Variants in ARHGAP39 observed in about 807,000 individuals in gnomAD.
ARHGAP39 encodes rho GTPase-activating protein 39.
In ARHGAP39, 44 loss-of-function variants were observed where a neutral mutation model predicts 106.9. The observed-to-expected ratio is 0.41, with a 90% CI of 0.32 to 0.53. The LOEUF (loss-of-function observed/expected upper bound fraction) is 0.53, where lower values mean the gene tolerates loss of function less well. ARHGAP39 is among the 20% of genes least tolerant of loss of function. ARHGAP39 has a pLI of 0.21. For missense variants in ARHGAP39, 1,496 were observed against 1,577.3 expected, an observed-to-expected ratio of 0.95 and a Z score of 0.87; for synonymous variants, 768 against 693.2, an observed-to-expected ratio of 1.11 and a Z score of -1.69.
chr8:144,596,628 G>A (rs1367522999), intron 2 of ARHGAP39, among the ~76,000 whole-genome samples: 12 of 152,200 alleles, frequency 7.9e-5, no homozygotes, highest in Admixed American at 7.2e-4. Context: ...GTGAGCACGT[G>A]GGGGAGGAGT....
chr8:144,545,525 G>A lies in ARHGAP39; in HGVS notation c.2245C>T (p.Leu749=). 3 of 1,613,496 alleles carry A rather than the reference G, an allele frequency of 1.9e-6. No individual in the cohort carries two copies. The highest frequency in any genetic ancestry group is 1.3e-5 in the African/African-American group (1 of 75,068). The change falls in exon 6 of 12, where the codon CTG becomes TTG. Residue 749 remains leucine (L), a synonymous_variant. Transcript: ENST00000377307. The part of the protein sequence containing the change: ...VKKEACELFK[L]IQMYMGDRRA... Reference sequence around the variant, plus strand: ...CGGTCACCCATGTACATCTGGATCAGCTTGAAGAGCTCGCAGGCCTCCTTC... The same window carrying A: ...CGGTCACCCATGTACATCTGGATCAACTTGAAGAGCTCGCAGGCCTCCTTC...
intron 2 of ARHGAP39, among the ~76,000 whole-genome samples, chr8:144,590,123 G>A (rs933062741): frequency 1.3e-5 from 2 of 152,226 alleles, no homozygotes; most frequent in Non-Finnish European, 2.9e-5. Context: ...TGGGACAGAG[G>A]CCAGAGAAGC....
At position 144,580,973 on chromosome 8, in the gene ARHGAP39, T is replaced by C. The variant is rs1818962700; in HGVS notation, c.385A>G (p.Ser129Gly). ...CTGGTGCTGCCCTCACGGCTGACGC[T>C]GCTGCCGCGCCCGGGGCTGCTCTCC... is the stretch of plus-strand genomic sequence containing the variant. ...SAESSPGRGS[S>G]VSREGSTSSS... is the part of the protein sequence containing the mutation. The change falls in exon 3 of 12, where the codon AGC (serine) becomes GGC (glycine). Residue 129 changes from serine (S) to glycine (G), a missense_variant. Physicochemically the swap from Ser to Gly is moderately conservative, Grantham distance 56. This residue lies in a region of ARHGAP39 where 905 missense variants were observed against 816.4 expected (regional missense o/e 1.11). Coordinates refer to ENST00000377307, the MANE Select transcript of ARHGAP39 (RefSeq NM_025251.3). 1.2e-6 allele frequency: 2 copies of C among 1,600,666 alleles called. No individual in the cohort carries two copies. The highest frequency in any genetic ancestry group is 1.1e-5 in the South Asian group (1 of 89,450).
Position 144,530,770 on chromosome 8 carries a change from C to G in ARHGAP39, c.3082G>C (p.Val1028Leu). The G allele has an allele frequency of 1.2e-6, 2 of 1,611,198 alleles. No individual in the cohort carries two copies. Among genetic ancestry groups the G allele is most frequent in the Non-Finnish European group, 1.7e-6 (2 of 1,179,314 alleles). ...IAHYDSPEAAVAVVHALPRIN... is the reference protein window; with the variant it reads ...IAHYDSPEAALAVVHALPRIN... The stretch of plus-strand genomic sequence containing the variant: ...CGGGGCAGCGCGTGCACCACGGCCA[C>G]CGCCGCCTCGGGGCTGTCGTAGTGC... The change falls in exon 11 of 12, where the codon GTG (valine) becomes CTG (leucine). Residue 1028 changes from valine (V) to leucine (L), a missense_variant. Physicochemically the swap from Val to Leu is conservative, Grantham distance 32. Coordinates refer to ENST00000377307, the MANE Select transcript of ARHGAP39 (RefSeq NM_025251.3).
intron 1 of ARHGAP39, among the ~76,000 whole-genome samples, chr8:144,654,721 A>G (rs1761923191): frequency 6.6e-6 from 1 of 151,886 alleles, no homozygotes; most frequent in African/African-American, 2.4e-5. Context: ...GCTGCTGCAG[A>G]CCCAGGGCCC....
intron 1 of ARHGAP39, among the ~76,000 whole-genome samples, chr8:144,640,327 G>C (rs921615226): frequency 6.6e-6 from 1 of 152,132 alleles, no homozygotes; most frequent in Non-Finnish European, 1.5e-5. Context: ...TTGGGGGAGC[G>C]ACCTGGTGGG....
At chr8:144,587,274 A>G (rs1476767234) in intron 2 of ARHGAP39, among the ~76,000 whole-genome samples, 2 of 152,234 alleles carry the variant, frequency 1.3e-5, no homozygotes, top group African/African-American at 2.4e-5. Flanking sequence ...AGGTAAGCAC[A>G]AGGAAGAACC....
intron 1 of ARHGAP39, among the ~76,000 whole-genome samples, chr8:144,675,599 T>C (rs2956185): frequency 0.14 from 16,399 of 114,720 alleles, 2,279 homozygotes; most frequent in African/African-American, 0.38. Context: ...TGCAGACCTT[T>C]GTGGTTAGTG....
intron 2 of ARHGAP39, among the ~76,000 whole-genome samples, chr8:144,598,327 G>A (rs1273761508): frequency 6.6e-6 from 1 of 152,210 alleles, no homozygotes; most frequent in East Asian, 1.9e-4. Context: ...GTGTAAAGGG[G>A]AAACTCGGAA....
intron 3 of ARHGAP39, among the ~76,000 whole-genome samples, chr8:144,574,036 G>A (rs547577964): frequency 6.6e-6 from 1 of 151,932 alleles, no homozygotes; most frequent in South Asian, 2.1e-4. Flanking sequence ...AGCCAGGCAT[G>A]GTGGCGCCCC....
At chr8:144,601,195 T>G in intron 2 of ARHGAP39, among the ~76,000 whole-genome samples, 1 of 145,064 alleles carries the variant, frequency 6.9e-6, no homozygotes, top group Non-Finnish European at 1.5e-5. Context: ...CTCGTGTACC[T>G]GTGTGCATGT....
intron 3 of ARHGAP39, among the ~76,000 whole-genome samples, chr8:144,568,160 C>T (rs1360042886): frequency 6.6e-6 from 1 of 151,694 alleles, no homozygotes; most frequent in Non-Finnish European, 1.5e-5. Flanking sequence ...GGTGAACTCT[C>T]GTCTTTGCCA....
intron 1 of ARHGAP39, among the ~76,000 whole-genome samples, chr8:144,617,446 C>A (rs1282127984): frequency 6.9e-6 from 1 of 144,508 alleles, no homozygotes; most frequent in Non-Finnish European, 1.6e-5. Context: ...GACCTGAGCA[C>A]CCAGCGCCGC....
At position 144,530,591 on chromosome 8, in the gene ARHGAP39, G is replaced by C; in HGVS notation, c.3176C>G (p.Ala1059Gly). 1 of 1,610,386 alleles carries C rather than the reference G, an allele frequency of 6.2e-7. No homozygotes were observed. Among genetic ancestry groups the C allele is most frequent in the Non-Finnish European group, 8.5e-7 (1 of 1,178,870 alleles). ...GTTGCTGACATCCATCTTGGTGACCGCGACGTTGGCCGGCTGCACGAAGAC... is the reference window on the plus strand; with the variant it reads ...GTTGCTGACATCCATCTTGGTGACCCCGACGTTGGCCGGCTGCACGAAGAC... ...LQVFVQPANV[A>G]VTKMDVSNLA... Residue 1059 changes from alanine (A) to glycine (G), a missense_variant, in exon 12 of 12, where the codon GCG (alanine) becomes GGG (glycine). By Grantham distance (60) the Ala-to-Gly change is moderately conservative. This residue lies in a region of ARHGAP39 where 470 missense variants were observed against 605.1 expected (regional missense o/e 0.78). Transcript: ENST00000377307.
intron 5 of ARHGAP39, 118 bp from the exon 6 acceptor site, chr8:144,545,928 G>A (rs1817401110): frequency 3.5e-6 from 3 of 856,610 alleles, no homozygotes; most frequent in South Asian, 3.6e-5. Flanking sequence ...AGCCAGGTGA[G>A]AGCCCTGCCC....
Position 144,547,677 on chromosome 8 carries a change from T to C in ARHGAP39, c.1409A>G (p.Glu470Gly), listed in dbSNP as rs556385108. 22 of 1,573,234 alleles carry C rather than the reference T, an allele frequency of 1.4e-5. No homozygotes were observed. In the East Asian group the frequency reaches 5.1e-4, roughly 36 times the overall value. Reference sequence around the variant, plus strand: ...CTGGCTGGACCAGGACATGGCATCCTCCTGGGCCTGTGGCAGCGGCGTGGG... The same window carrying C: ...CTGGCTGGACCAGGACATGGCATCCCCCTGGGCCTGTGGCAGCGGCGTGGG... ...QPPTPLPQAQ[E>G]DAMSWSSQQD... is the part of the protein sequence containing the mutation. Residue 470 changes from glutamate (E) to glycine (G), a missense_variant, in exon 5 of 12, where the codon GAG (glutamate) becomes GGG (glycine). This residue lies in a region of ARHGAP39 where 905 missense variants were observed against 816.4 expected (regional missense o/e 1.11). Transcript: ENST00000377307. The surrounding 1 kb of genome is among the most constrained non-coding windows in gnomAD (Gnocchi z 5.2).
chr8:144,541,071 C>T (rs533159931), intron 6 of ARHGAP39, among the ~76,000 whole-genome samples: 9 of 152,284 alleles, frequency 5.9e-5, no homozygotes, highest in South Asian at 2.1e-4. Context: ...AGGCTGGTCT[C>T]GAACTCTTGG....
At position 144,685,822 on chromosome 8, in the gene ARHGAP39, C is replaced by A. The variant is rs1164804788; in HGVS notation, c.-218G>T. Among the ~76,000 whole-genome samples, 1 of 147,814 alleles carries A rather than the reference C, an allele frequency of 6.8e-6. No individual in the cohort carries two copies. Among genetic ancestry groups the A allele is most frequent in the African/African-American group, 2.4e-5 (1 of 40,974 alleles). Reference sequence around the variant, plus strand: ...GGCAGCCCGTGCTGTCGGCGTCCTCCGCCGCCGCCGCCGGCCCAGTGCGCG... The same window carrying A: ...GGCAGCCCGTGCTGTCGGCGTCCTCAGCCGCCGCCGCCGGCCCAGTGCGCG... On this transcript the variant is annotated 5_prime_UTR_variant, in exon 1 of 12. Coordinates refer to ENST00000377307, the MANE Select transcript of ARHGAP39 (RefSeq NM_025251.3).
intron 1 of ARHGAP39, among the ~76,000 whole-genome samples, chr8:144,609,697 T>C (rs570882079): frequency 2.2e-4 from 33 of 152,314 alleles, no homozygotes; most frequent in Middle Eastern, 3.4e-3. Flanking sequence ...CCACCGCGCC[T>C]GGCCATATTG....
Sources: gnomAD v4.1 joint callset for allele counts (sites outside exome capture counted in the v4.1 genomes callset) on GRCh38, gnomAD v4.1.1 for gene constraint, gnomAD v4.1.1 regional missense constraint, Gnocchi (gnomAD v3.1) non-coding constraint, MANE v1.5 for transcripts, NCBI Gene and HGNC (gene_info 2026-07-23, HGNC 2026-07-21) for gene names.